PCDHA3: variants seen among roughly 807,000 people sequenced by gnomAD.
PCDHA3 encodes the protein protocadherin alpha 3.
Under a neutral mutation model 62.2 loss-of-function variants are expected in PCDHA3, and 41 were observed. The observed-to-expected ratio is 0.66, with a 90% CI of 0.51 to 0.86. The LOEUF is 0.86. Ranked by LOEUF, PCDHA3 falls within the 40% of genes least tolerant of loss-of-function variation. The pLI is 0.00. For missense variants in PCDHA3, 1,304 were observed against 1,241.2 expected, an observed-to-expected ratio of 1.05 and a Z score of -0.76; for synonymous variants, 640 against 555.4, an observed-to-expected ratio of 1.15 and a Z score of -2.14.
At chr5:140,815,350 A>G (rs1244675676) in intron 1 of PCDHA3, 1 of 151,840 alleles carries the variant, frequency 6.6e-6, no homozygotes, top group East Asian at 1.9e-4. Context: ...TCTTTTGTAT[A>G]TCTTCCATAG....
Position 140,924,861 on chromosome 5 carries a change from C to T in PCDHA3, c.2395-54088C>T, listed in dbSNP as rs150955497. ...AGGGAGCTCAGATCGTGCCACTGCA[C>T]TCCAGCCTGGGTGACAGAGCAAGAA... On this transcript the variant is annotated intron_variant, in intron 1 of 3. Transcript: ENST00000522353. Among the ~76,000 whole-genome samples, 427 of 150,140 alleles carry T rather than the reference C, an allele frequency of 2.8e-3. 1 individual carries two copies. The highest frequency in any genetic ancestry group is 0.01 in the African/African-American group (408 of 40,512).
At chr5:140,967,692 G>A (rs781940460) in intron 1 of PCDHA3, 12 of 1,614,196 alleles carry the variant, frequency 7.4e-6, no homozygotes, top group South Asian at 1.1e-5. Flanking sequence ...CAGCTCTTCA[G>A]CATAGATGCC....
intron 1 of PCDHA3, among the ~76,000 whole-genome samples, chr5:140,919,265 T>A (rs534045587): frequency 4.3e-4 from 66 of 152,394 alleles, no homozygotes. Flanking sequence ...GATATTAGTG[T>A]AGTCACTCCA....
chr5:140,984,861 C>A (rs1163314869), intron 3 of PCDHA3, among the ~76,000 whole-genome samples: 1 of 151,870 alleles, frequency 6.6e-6, no homozygotes, highest in Non-Finnish European at 1.5e-5. Flanking sequence ...ATAATAACAC[C>A]TATTTTATTG....
intron 1 of PCDHA3, among the ~76,000 whole-genome samples, chr5:140,950,490 C>A (rs2153689793): frequency 6.6e-6 from 1 of 152,114 alleles, no homozygotes; most frequent in South Asian, 2.1e-4. Context: ...AGTGTGTAGT[C>A]ATTTAAGTCA....
At chr5:140,851,804 A>G (rs2042163205) in intron 1 of PCDHA3, 6 of 945,718 alleles carry the variant, frequency 6.3e-6, no homozygotes, top group Non-Finnish European at 7.7e-6. Context: ...TCTGTCAGTA[A>G]TCCATAAGAC....
chr5:140,938,991 T>C (rs2092291799), intron 1 of PCDHA3, among the ~76,000 whole-genome samples: 2 of 152,230 alleles, frequency 1.3e-5, no homozygotes, highest in South Asian at 2.1e-4. Context: ...TGGCTTTATA[T>C]AGTAAGTTAA....
At chr5:141,000,361 GTCTC>G (rs148596731) in intron 3 of PCDHA3, among the ~76,000 whole-genome samples, 1,917 of 26,274 alleles carry the variant, frequency 0.073, 118 homozygotes, top group African/African-American at 0.11. Flanking sequence ...GTCTCTCTCT[GTCTC>G]TCTCTCTCTC....
At chr5:140,809,431 GT>G in intron 1 of PCDHA3, 1 of 1,614,226 alleles carries the variant, frequency 6.2e-7, no homozygotes, top group East Asian at 2.2e-5. Flanking sequence ...TGGGGAGCTG[GT>G]CATACTCGCA....
At chr5:140,832,467 A>T (rs1308124277) in intron 1 of PCDHA3, among the ~76,000 whole-genome samples, 3 of 152,222 alleles carry the variant, frequency 2.0e-5, no homozygotes, top group Admixed American at 6.5e-5. Flanking sequence ...ACTAAAATTT[A>T]AAAAAACTAA....
At chr5:140,855,799 A>C (rs1356663466) in intron 1 of PCDHA3, 4 of 472,784 alleles carry the variant, frequency 8.5e-6, no homozygotes, top group Non-Finnish European at 1.5e-5. Context: ...TTAACATATG[A>C]ATGAAAGAAA....
Position 140,835,484 on chromosome 5 carries a change from C to A in PCDHA3, c.2394+31893C>A, listed in dbSNP as rs2150236532. On this transcript the variant is annotated intron_variant, in intron 1 of 3. Coordinates refer to ENST00000522353, the MANE Select transcript of PCDHA3 (RefSeq NM_018906.3). ...TTCCAGAGGACGCCCAACCAGGTAC[C>A]GTCATCACATTGATTAGCGTGTTTG... The A allele has an allele frequency of 3.7e-6, 6 of 1,613,808 alleles. No individual in the cohort carries two copies. The African/African-American group carries it at 6.7e-5, about 18-fold the overall frequency.
Position 140,849,589 on chromosome 5 carries a change from T to C in PCDHA3, c.2394+45998T>C, listed in dbSNP as rs2150441752. On this transcript the variant is annotated intron_variant, in intron 1 of 3. Transcript: ENST00000522353. The stretch of plus-strand genomic sequence containing the variant: ...GTTCCTGTAAAAGAGGACGCACAAC[T>C]GGGGACAGTTATTGCCCTGATTAGT... 3.8e-6 allele frequency: 6 copies of C among 1,598,582 alleles called. No individual in the cohort carries two copies. The Admixed American group carries it at 6.7e-5, about 18-fold the overall frequency.
At chr5:140,909,854 C>T (rs756812618) in intron 1 of PCDHA3, among the ~76,000 whole-genome samples, 8 of 152,186 alleles carry the variant, frequency 5.3e-5, no homozygotes, top group Non-Finnish European at 1.2e-4. Flanking sequence ...CGTTTTCGGT[C>T]CCCTGGAGTC....
At chr5:140,997,472 C>CACA (rs1386540010) in intron 3 of PCDHA3, among the ~76,000 whole-genome samples, 12 of 152,120 alleles carry the variant, frequency 7.9e-5, no homozygotes, top group Non-Finnish European at 1.8e-4. Context: ...GCAATTTTTA[C>CACA]ACAATGATAA....
At chr5:140,869,727 T>G in intron 1 of PCDHA3, 1 of 1,613,380 alleles carries the variant, frequency 6.2e-7, no homozygotes, top group Non-Finnish European at 8.5e-7. Flanking sequence ...CTCCGGAACT[T>G]AATTTGCTGC....
chr5:140,866,758 A>T (rs1554160534), intron 1 of PCDHA3: 1 of 152,196 alleles, frequency 6.6e-6, no homozygotes, highest in Non-Finnish European at 1.5e-5. Flanking sequence ...CTAACAGGAC[A>T]TACAGGCAGA....
rs1554122342 is a variant in PCDHA3 at position 140,802,774 on chromosome 5, A to G, written c.1577A>G (p.Glu526Gly). The G allele has an allele frequency of 4.3e-6, 7 of 1,613,090 alleles. No individual in the cohort carries two copies. Among genetic ancestry groups the G allele is most frequent in the Non-Finnish European group, 2.5e-6 (3 of 1,179,882 alleles). ...TACGCGCTGCAGCCGCTGGACCACG[A>G]GGAGCTAGAGCTGCTGCAGTTCCAG... is the stretch of plus-strand genomic sequence containing the variant. Reference protein sequence around the residue: ...KVYALQPLDHEELELLQFQVS... With the variant: ...KVYALQPLDHGELELLQFQVS... Residue 526 changes from glutamate to glycine, a missense_variant, in exon 1 of 4, where the codon GAG (glutamate) becomes GGG (glycine). By Grantham distance (98) the Glu-to-Gly change is moderately conservative. Coordinates refer to ENST00000522353, the MANE Select transcript of PCDHA3 (RefSeq NM_018906.3).
chr5:140,928,043 C>T, intron 1 of PCDHA3: 1 of 1,614,192 alleles, frequency 6.2e-7, no homozygotes, highest in Non-Finnish European at 8.5e-7. Context: ...AGTGCAGGCC[C>T]TTTTCAGCTG....
Sources: gnomAD v4.1 joint callset for allele counts (sites outside exome capture counted in the v4.1 genomes callset) on GRCh38, gnomAD v4.1.1 for gene constraint, MANE v1.5 for transcripts, NCBI Gene and HGNC (gene_info 2026-07-23, HGNC 2026-07-21) for gene names.